KCNN3: variants seen among roughly 807,000 people sequenced by gnomAD.
KCNN3 encodes small conductance calcium-activated potassium channel protein 3.
Under a neutral mutation model 62.9 loss-of-function variants are expected in KCNN3, and 16 were observed. The observed-to-expected ratio is 0.25, with a 90% CI of 0.17 to 0.39. KCNN3 has a LOEUF of 0.39. Among genes scored for constraint, KCNN3 ranks in the 10% least tolerant of loss-of-function variants. The pLI, the probability that KCNN3 is intolerant of heterozygous loss-of-function variation, is 1.00. For missense variants in KCNN3, 599 were observed against 949.4 expected (o/e 0.63, Z 4.85); for synonymous variants, 370 against 389.2 (o/e 0.95, Z 0.58).
intron 5 of KCNN3, among the ~76,000 whole-genome samples, chr1:154,718,679 G>A (rs557496474): frequency 2.0e-5 from 3 of 152,284 alleles, no homozygotes; most frequent in African/African-American, 4.8e-5. Context: ...ACAATCCTGC[G>A]GAGAAGACGG....
chr1:154,811,585 G>A (rs1650409485), intron 2 of KCNN3, among the ~76,000 whole-genome samples: 1 of 152,184 alleles, frequency 6.6e-6, no homozygotes. Context: ...GCCTTTGGAG[G>A]AAACAAAACT....
At chr1:154,763,333 T>C (rs1319942383) in intron 3 of KCNN3, among the ~76,000 whole-genome samples, 1 of 152,144 alleles carries the variant, frequency 6.6e-6, no homozygotes, top group East Asian at 1.9e-4. Flanking sequence ...TGTTTTGTTC[T>C]TCTAATGGAT....
intron 1 of KCNN3, among the ~76,000 whole-genome samples, chr1:154,842,739 T>C (rs1651891804): frequency 6.6e-6 from 1 of 151,132 alleles, no homozygotes; most frequent in Admixed American, 6.6e-5. Flanking sequence ...CTTGCATATA[T>C]TACACTACAC....
intron 1 of KCNN3, among the ~76,000 whole-genome samples, chr1:154,836,352 C>T (rs1315873978): frequency 1.3e-5 from 2 of 152,192 alleles, no homozygotes; most frequent in Non-Finnish European, 2.9e-5. Context: ...GGCTCCTGCC[C>T]CCCGTCTATT....
intron 7 of KCNN3, among the ~76,000 whole-genome samples, chr1:154,709,598 C>G (rs1700032445): frequency 6.6e-6 from 1 of 152,136 alleles, no homozygotes. Flanking sequence ...CAGCAGACTA[C>G]AGGCCCCATG....
intron 5 of KCNN3, among the ~76,000 whole-genome samples, chr1:154,723,980 C>T (rs1179206251): frequency 6.6e-6 from 1 of 152,220 alleles, no homozygotes; most frequent in East Asian, 1.9e-4. Flanking sequence ...AGCCTTCAAT[C>T]ACTGCCATCG....
intron 3 of KCNN3, among the ~76,000 whole-genome samples, chr1:154,761,600 ATAT>A (rs1648016591): frequency 6.6e-6 from 1 of 152,144 alleles, no homozygotes; most frequent in Non-Finnish European, 1.5e-5. Flanking sequence ...CCTTTTTCAA[ATAT>A]TACATCATGA....
chr1:154,820,799 A>C (rs539549664), intron 2 of KCNN3, among the ~76,000 whole-genome samples: 1 of 152,348 alleles, frequency 6.6e-6, no homozygotes, highest in East Asian at 1.9e-4. Context: ...CCCAGCATCC[A>C]GGTCAGTATC....
chr1:154,715,991 A>G (rs1446154686), intron 5 of KCNN3, among the ~76,000 whole-genome samples: 17 of 152,260 alleles, frequency 1.1e-4, no homozygotes, highest in Non-Finnish European at 5.9e-5. Context: ...TTGGCACAAA[A>G]AAGAAATAAT....
chr1:154,851,615 C>T (rs944368788), intron 1 of KCNN3, among the ~76,000 whole-genome samples: 1 of 152,196 alleles, frequency 6.6e-6, no homozygotes, highest in Non-Finnish European at 1.5e-5. Flanking sequence ...CACTGCCTGA[C>T]CTGCACACCA....
rs1553231995 is a variant in KCNN3, at chr1:154,766,416, T to TTAAATATATATATATA, written c.1448+5558_1448+5559insTATATATATATATTTA. The stretch of plus-strand genomic sequence containing the variant: ...CCATTTATTAAATACTAGCCAGGCT[T>TTAAATATATATATATA]TATATATATATATATATATATATAT... On this transcript the variant is annotated intron_variant, in intron 3 of 7. Coordinates refer to ENST00000271915, the MANE Select transcript of KCNN3 (RefSeq NM_002249.6). 3.2e-3 allele frequency among the ~76,000 whole-genome samples: 228 copies of TTAAATATATATATATA among 71,790 alleles called. 18 individuals carry two copies. Among genetic ancestry groups the TTAAATATATATATATA allele is most frequent in the Non-Finnish European group, 5.2e-3 (186 of 35,914 alleles). 47.1% of individuals were successfully genotyped at this position (71,790 alleles called of 152,430 possible).
intron 2 of KCNN3, among the ~76,000 whole-genome samples, chr1:154,818,502 T>C (rs1264758863): frequency 6.6e-6 from 1 of 152,212 alleles, no homozygotes; most frequent in Non-Finnish European, 1.5e-5. Flanking sequence ...AATGTGGTAG[T>C]GCCAAGAGAT....
At chr1:154,813,475 G>C (rs866113422) in intron 2 of KCNN3, among the ~76,000 whole-genome samples, 1 of 151,870 alleles carries the variant, frequency 6.6e-6, no homozygotes, top group South Asian at 2.1e-4. Context: ...GCCAGGCGAC[G>C]CACCGCCTTC....
intron 2 of KCNN3, among the ~76,000 whole-genome samples, chr1:154,781,087 A>G (rs1649028096): frequency 6.6e-6 from 1 of 152,226 alleles, no homozygotes; most frequent in Non-Finnish European, 1.5e-5. Context: ...GCGCTTCGCC[A>G]GAGCTCACTT....
At chr1:154,741,986 G>A (rs936515795) in intron 3 of KCNN3, among the ~76,000 whole-genome samples, 1 of 152,190 alleles carries the variant, frequency 6.6e-6, no homozygotes, top group African/African-American at 2.4e-5. Flanking sequence ...GCCCCCTGGC[G>A]GCCTCTGACC....
At chr1:154,709,185 A>G (rs1187560324) in intron 7 of KCNN3, among the ~76,000 whole-genome samples, 2 of 152,180 alleles carry the variant, frequency 1.3e-5, no homozygotes, top group Non-Finnish European at 2.9e-5. Flanking sequence ...GTTGGTCTGC[A>G]GAGTCCCAGT....
chr1:154,703,062 A>T lies in KCNN3; in HGVS notation c.*4914T>A, dbSNP rs919855684. Reference sequence around the variant, plus strand: ...TAATGGCGTAAGACAAAAAGATCACAGTTATATTTTTTTCTATCTGTATAT... The same window carrying T: ...TAATGGCGTAAGACAAAAAGATCACTGTTATATTTTTTTCTATCTGTATAT... On this transcript the variant is annotated 3_prime_UTR_variant, in exon 8 of 8. Transcript: ENST00000271915. 6.6e-6 allele frequency: 1 copy of T among 152,032 alleles called. No individual in the cohort carries two copies. The highest frequency in any genetic ancestry group is 1.5e-5 in the Non-Finnish European group (1 of 68,002). 9.4% of individuals were successfully genotyped at this position (152,032 alleles called of 1,614,324 possible).
intron 3 of KCNN3, among the ~76,000 whole-genome samples, chr1:154,761,919 G>A (rs12034376): frequency 0.23 from 35,041 of 152,102 alleles, 4,143 homozygotes; most frequent in South Asian, 0.27. Context: ...CAGCCCGGGC[G>A]ACAGAATGAG....
intron 3 of KCNN3, among the ~76,000 whole-genome samples, chr1:154,755,015 C>T (rs1158657667): frequency 3.3e-5 from 5 of 152,186 alleles, no homozygotes; most frequent in African/African-American, 9.7e-5. Context: ...GAACTCTACA[C>T]CGCCACCACC....
Sources: allele counts gnomAD v4.1 joint callset (sites outside exome capture counted in the v4.1 genomes callset), GRCh38; gene constraint gnomAD v4.1.1; transcripts MANE v1.5; gene names NCBI Gene and HGNC (gene_info 2026-07-23, HGNC 2026-07-21).